Variants in HABP2 observed in about 807,000 individuals in gnomAD.
HABP2 encodes hyaluronan binding protein 2.
Under a neutral mutation model 66.5 loss-of-function variants are expected in HABP2, and 65 were observed. The ratio of observed to expected loss-of-function variants is 0.98; its 90% CI spans 0.80 to 1.20. The LOEUF (loss-of-function observed/expected upper bound fraction) is 1.20, where lower values mean the gene tolerates loss of function less well. Ranked by LOEUF, HABP2 falls within the 50% of genes most tolerant of loss-of-function variation. HABP2 has a pLI of 0.00. For synonymous variants in HABP2, 263 were observed against 253.9 expected (o/e 1.04, Z -0.34); for missense variants, 786 against 691.0 (o/e 1.14, Z -1.54).
chr10:113,578,552 A>G, intron 6 of HABP2, 75 bp from the exon 7 acceptor site: 1 of 994,872 alleles, frequency 1.0e-6, no homozygotes, highest in Non-Finnish European at 1.6e-6. Flanking sequence ...ACCATGTCAC[A>G]TACCCACCAA....
intron 8 of HABP2, 45 bp from the exon 9 acceptor site, chr10:113,581,831 G>A (rs1423202479): frequency 6.2e-7 from 1 of 1,608,740 alleles, no homozygotes. Context: ...CTGAGGAACT[G>A]GAGGGAGGCT....
intron 11 of HABP2, among the ~76,000 whole-genome samples, chr10:113,584,485 T>A (rs377311973): frequency 1.1e-4 from 16 of 152,356 alleles, no homozygotes; most frequent in African/African-American, 3.1e-4. Flanking sequence ...CTGATCTCCA[T>A]ATCTGTCCCT....
chr10:113,573,442 G>T (rs1276300546), intron 2 of HABP2, among the ~76,000 whole-genome samples: 1 of 152,178 alleles, frequency 6.6e-6, no homozygotes, highest in East Asian at 1.9e-4. Context: ...TTTTCCCAAG[G>T]GTAAGTGTGG....
rs965006835 is a variant in HABP2, at chr10:113,585,847, T to G, written c.1427T>G (p.Leu476Trp). The G allele has an allele frequency of 3.1e-6, 5 of 1,613,388 alleles. No homozygotes were observed. The highest frequency in any genetic ancestry group is 4.5e-5 in the East Asian group (2 of 44,874). Residue 476 changes from leucine (L) to tryptophan (W), a missense_variant, in exon 12 of 13, where the codon TTG becomes TGG. Transcript: ENST00000351270. ...AAAGTCAAGCTGATTGCCAACACTT[T>G]GTGCAACTCCCGCCAACTCTATGAC... ...DAKVKLIANTLCNSRQLYDHM... is the reference protein window; with the variant it reads ...DAKVKLIANTWCNSRQLYDHM...
Position 113,588,223 on chromosome 10 carries a change from CT to C in HABP2, c.1538del (p.Leu513ArgfsTer14). On this transcript the variant is annotated frameshift_variant, in exon 13 of 13. Transcript: ENST00000351270. LOFTEE classifies it high-confidence loss of function. ...DTCQGDSGGP[L>X]TCEKDGTYYV... The stretch of plus-strand genomic sequence containing the variant: ...CCCTTAGGGTGACTCTGGAGGCCCC[CT>C]GACCTGTGAGAAGGACGGCACCTAC... 1 of 1,610,092 alleles carries C rather than the reference CT, an allele frequency of 6.2e-7. No homozygotes were observed. Among genetic ancestry groups the C allele is most frequent in the Non-Finnish European group, 8.5e-7 (1 of 1,178,226 alleles).
chr10:113,581,509 T>C (rs1845530209), intron 8 of HABP2, among the ~76,000 whole-genome samples: 1 of 152,194 alleles, frequency 6.6e-6, no homozygotes. Flanking sequence ...TAATGAAAGG[T>C]GCATTGATGA....
intron 9 of HABP2, 58 bp downstream of exon 9, chr10:113,582,189 CT>C (rs1345707776): frequency 8.5e-6 from 13 of 1,522,164 alleles, no homozygotes; most frequent in Non-Finnish European, 1.1e-5. Context: ...GTGCTCTCCC[CT>C]TCCCCTCTGA....
At chr10:113,554,184 C>G (rs1844949685) in intron 1 of HABP2, among the ~76,000 whole-genome samples, 2 of 152,174 alleles carry the variant, frequency 1.3e-5, no homozygotes, top group African/African-American at 4.8e-5. Flanking sequence ...GTGAGCTCTA[C>G]TCCCTTAAAA....
intron 1 of HABP2, among the ~76,000 whole-genome samples, chr10:113,555,121 C>G (rs1429597056): frequency 1.3e-5 from 2 of 152,246 alleles, no homozygotes; most frequent in African/African-American, 4.8e-5. Flanking sequence ...TCATAACTAA[C>G]TGCTACCATT....
At chr10:113,574,097 C>A (rs988546681) in intron 2 of HABP2, among the ~76,000 whole-genome samples, 192 bp from the exon 3 acceptor site, 1 of 152,182 alleles carries the variant, frequency 6.6e-6, no homozygotes, top group Non-Finnish European at 1.5e-5. Flanking sequence ...CGGGTCATAG[C>A]GTCCCCCAAG....
rs111406936 is a variant in HABP2, at chr10:113,583,078, A to T, written c.1095-138A>T. On this transcript the variant is annotated intron_variant, in intron 9 of 12. Transcript: ENST00000351270. ...ACTTCCCTTACATAATCTTATTTGG[A>T]CCCTACCACAGCAGAGTTCTGTGAG... The T allele has an allele frequency of 2.9e-3, 1,927 of 670,804 alleles. 25 individuals carry two copies. The African/African-American group carries it at 0.03, about 11-fold the overall frequency. The allele number at this position is 670,804 out of a possible 1,614,324, so 41.6% of individuals were successfully genotyped here.
At position 113,589,582 on chromosome 10, in the gene HABP2, A is replaced by AAAAT. The variant is rs1845821492; in HGVS notation, c.*1217_*1220dup. ...TTTAGAGCTAGCTGACCTTTGGCCA[A>AAAAT]AAATAAACTTTGAAAAGAAACAATG... is the stretch of plus-strand genomic sequence containing the variant. On this transcript the variant is annotated 3_prime_UTR_variant, in exon 13 of 13. Coordinates refer to ENST00000351270, the MANE Select transcript of HABP2 (RefSeq NM_004132.5). 5 of 1,525,092 alleles carry AAAAT rather than the reference A, an allele frequency of 3.3e-6. No individual in the cohort carries two copies. The highest frequency in any genetic ancestry group is 4.4e-6 in the Non-Finnish European group (5 of 1,133,672). The allele number at this position is 1,525,092 out of a possible 1,614,324, so 94.5% of individuals were successfully genotyped here.
In HABP2 at chr10:113,575,994, G is replaced by T; in HGVS notation, c.321G>T (p.Lys107Asn). 6.3e-7 allele frequency: 1 copy of T among 1,575,990 alleles called. No homozygotes were observed. Among genetic ancestry groups the T allele is most frequent in the Non-Finnish European group, 8.7e-7 (1 of 1,145,178 alleles). The change falls in exon 4 of 13, where the codon AAG becomes AAT. Residue 107 changes from lysine (K) to asparagine (N), a missense_variant. By Grantham distance (94) the Lys-to-Asn change is moderately conservative. Coordinates refer to ENST00000351270, the MANE Select transcript of HABP2 (RefSeq NM_004132.5). ...GCCTGGCTCCTTTCTCTGGGAATAAGTGTCAGAAAGGTGAGTCCGTCATCA... is the reference window on the plus strand; with the variant it reads ...GCCTGGCTCCTTTCTCTGGGAATAATTGTCAGAAAGGTGAGTCCGTCATCA... Reference protein sequence around the residue: ...CSCLAPFSGNKCQKVQNTCKD... With the variant: ...CSCLAPFSGNNCQKVQNTCKD...
intron 2 of HABP2, among the ~76,000 whole-genome samples, chr10:113,572,506 C>A (rs888054893): frequency 2.6e-5 from 4 of 152,212 alleles, no homozygotes; most frequent in African/African-American, 9.6e-5. Flanking sequence ...AAAATAAATT[C>A]TTCAAAGAAC....
Position 113,579,139 on chromosome 10 carries a change from G to A in HABP2, c.740+341G>A, listed in dbSNP as rs1040485889. ...CTGAATGTGGTGGTCAGCACCTGTAGCCCCAGCTAATCAGGAGGCTGAGAT... is the reference window on the plus strand; with the variant it reads ...CTGAATGTGGTGGTCAGCACCTGTAACCCCAGCTAATCAGGAGGCTGAGAT... On this transcript the variant is annotated intron_variant, in intron 7 of 12. Coordinates refer to ENST00000351270, the MANE Select transcript of HABP2 (RefSeq NM_004132.5). 2.0e-5 allele frequency among the ~76,000 whole-genome samples: 3 copies of A among 151,380 alleles called. No homozygotes were observed. In the East Asian group the frequency reaches 5.8e-4, roughly 29 times the overall value.
intron 1 of HABP2, among the ~76,000 whole-genome samples, chr10:113,556,420 A>G (rs1174800943): frequency 6.6e-6 from 1 of 152,192 alleles, no homozygotes; most frequent in East Asian, 1.9e-4. Flanking sequence ...TGCTGTTATT[A>G]GATGAAGTTT....
intron 1 of HABP2, among the ~76,000 whole-genome samples, chr10:113,562,417 C>T (rs1050295066): frequency 2.0e-5 from 3 of 150,640 alleles, no homozygotes; most frequent in Admixed American, 6.6e-5. Context: ...TGTGGCCTGC[C>T]AGGCCTAGGC....
chr10:113,557,409 C>G, intron 1 of HABP2, among the ~76,000 whole-genome samples: 1 of 152,066 alleles, frequency 6.6e-6, no homozygotes, highest in Admixed American at 6.6e-5. Context: ...TATACAGGCA[C>G]GGGTATATTT....
intron 1 of HABP2, among the ~76,000 whole-genome samples, chr10:113,556,329 C>A (rs1034270347): frequency 1.1e-4 from 16 of 152,092 alleles, no homozygotes; most frequent in Admixed American, 3.9e-4. Context: ...TACAGATTCC[C>A]AGCTTTTCTT....
Sources: allele counts gnomAD v4.1 joint callset (sites outside exome capture counted in the v4.1 genomes callset), GRCh38; gene constraint gnomAD v4.1.1; transcripts MANE v1.5; gene names NCBI Gene and HGNC (gene_info 2026-07-23, HGNC 2026-07-21).